The following ADAMTS6 variants were observed in gnomAD, a reference collection of about 807,000 sequenced individuals.
The protein encoded by ADAMTS6 is A disintegrin and metalloproteinase with thrombospondin motifs 6.
A neutral mutation model predicts 144.3 loss-of-function variants in ADAMTS6; 23 were observed. The ratio of observed to expected loss-of-function variants is 0.16; its 90% CI spans 0.11 to 0.23. The LOEUF (loss-of-function observed/expected upper bound fraction) is 0.23, where lower values mean the gene tolerates loss of function less well. ADAMTS6 is among the 10% of genes least tolerant of loss of function. ADAMTS6 has a pLI of 1.00. For missense variants in ADAMTS6, 999 were observed against 1,379.6 expected (o/e 0.72, Z 4.37); for synonymous variants, 444 against 457.5 (o/e 0.97, Z 0.38).
At chr5:65,234,699 G>C (rs1159590443) in intron 15 of ADAMTS6, among the ~76,000 whole-genome samples, 1 of 152,088 alleles carries the variant, frequency 6.6e-6, no homozygotes, top group Non-Finnish European at 1.5e-5. Flanking sequence ...ACAGTATGCA[G>C]CCTTCTCCAA....
chr5:65,261,205 A>T (rs568534284), intron 13 of ADAMTS6, among the ~76,000 whole-genome samples: 29 of 152,280 alleles, frequency 1.9e-4, no homozygotes, highest in African/African-American at 7.0e-4. Context: ...CATGAAGTTT[A>T]AAAATTTAAA....
At chr5:65,227,382 G>A (rs2112410507) in intron 15 of ADAMTS6, among the ~76,000 whole-genome samples, 1 of 150,546 alleles carries the variant, frequency 6.6e-6, no homozygotes, top group Non-Finnish European at 1.5e-5. Flanking sequence ...TGGACTTGTT[G>A]TATTAAAAGC....
At chr5:65,200,753 TA>T (rs1755682242) in intron 20 of ADAMTS6, among the ~76,000 whole-genome samples, 1 of 152,080 alleles carries the variant, frequency 6.6e-6, no homozygotes, top group African/African-American at 2.4e-5. Flanking sequence ...CCTCCATGCT[TA>T]AAAAAAGTAA....
At chr5:65,256,781 TG>T (rs1186077558) in intron 14 of ADAMTS6, among the ~76,000 whole-genome samples, 2 of 152,050 alleles carry the variant, frequency 1.3e-5, no homozygotes, top group Non-Finnish European at 2.9e-5. Context: ...TGGAATGAGT[TG>T]GGAATTGAGA....
rs146806556 is a variant in ADAMTS6 at position 65,271,125 on chromosome 5, C to T, written c.1620+2215G>A. 1.0e-3 allele frequency among the ~76,000 whole-genome samples: 157 copies of T among 152,110 alleles called. 2 individuals carry two copies. The highest frequency in any genetic ancestry group is 3.8e-3 in the African/African-American group (156 of 41,514). ...TTATATTTGGCTGGGCACGGTGGCT[C>T]ACACCTATAATCCCAGCACTTTGGG... On this transcript the variant is annotated intron_variant, in intron 12 of 24. Transcript: ENST00000381055.
chr5:65,190,680 C>CT (rs1220553739), intron 21 of ADAMTS6, among the ~76,000 whole-genome samples: 1 of 152,158 alleles, frequency 6.6e-6, no homozygotes, highest in Non-Finnish European at 1.5e-5. Flanking sequence ...CATTCCATCT[C>CT]TCCTCAGAAA....
At chr5:65,200,227 C>T (rs975406377) in intron 20 of ADAMTS6, among the ~76,000 whole-genome samples, 10 of 152,074 alleles carry the variant, frequency 6.6e-5, no homozygotes, top group African/African-American at 2.4e-4. Context: ...AAGTCAGTAG[C>T]AACAGGATAA....
intron 10 of ADAMTS6, chr5:65,297,037 C>T: frequency 3.0e-6 from 1 of 331,456 alleles, no homozygotes; most frequent in Non-Finnish European, 5.9e-6. Context: ...GCCATAATAC[C>T]AGGTTCACCT....
chr5:65,480,346 C>A (rs1231691641), intron 1 of ADAMTS6, among the ~76,000 whole-genome samples: 1 of 151,498 alleles, frequency 6.6e-6, no homozygotes, highest in African/African-American at 2.4e-5. Context: ...TTCGCCCAGA[C>A]AGAGGGTAAC....
intron 9 of ADAMTS6, among the ~76,000 whole-genome samples, chr5:65,304,467 C>G (rs969321797): frequency 6.6e-6 from 1 of 152,188 alleles, no homozygotes; most frequent in African/African-American, 2.4e-5. Flanking sequence ...GGGTCTGGCT[C>G]TGTCACCAAG....
At chr5:65,202,797 C>G (rs1755823067) in intron 20 of ADAMTS6, among the ~76,000 whole-genome samples, 4 of 152,088 alleles carry the variant, frequency 2.6e-5, no homozygotes, top group Admixed American at 2.6e-4. Flanking sequence ...TTTTCTCATC[C>G]CAAATTCTGC....
At chr5:65,383,858 A>G (rs1752257747) in intron 7 of ADAMTS6, among the ~76,000 whole-genome samples, 1 of 152,160 alleles carries the variant, frequency 6.6e-6, no homozygotes, top group Non-Finnish European at 1.5e-5. Flanking sequence ...TTTGGAATCT[A>G]GGTGGAGGTA....
At chr5:65,445,995 A>G (rs1758247842) in intron 7 of ADAMTS6, among the ~76,000 whole-genome samples, 1 of 152,196 alleles carries the variant, frequency 6.6e-6, no homozygotes, top group Admixed American at 6.6e-5. Flanking sequence ...GAGAAAAATA[A>G]ATGCTTCAAA....
At chr5:65,430,220 TAAG>T (rs904544888) in intron 7 of ADAMTS6, among the ~76,000 whole-genome samples, 3 of 149,972 alleles carry the variant, frequency 2.0e-5, no homozygotes, top group Non-Finnish European at 4.4e-5. Flanking sequence ...GGCTGAGATA[TAAG>T]ACTGAAAACA....
Position 65,470,878 on chromosome 5 carries a change from G to A in ADAMTS6, c.362C>T (p.Pro121Leu). The change falls in exon 3 of 25, where the codon CCC (proline) becomes CTC (leucine). Residue 121 changes from proline (P) to leucine (L), a missense_variant. Physicochemically the swap from Pro to Leu is moderately conservative, Grantham distance 98 (BLOSUM62 -3). Coordinates refer to ENST00000381055, the MANE Select transcript of ADAMTS6 (RefSeq NM_197941.4). The stretch of plus-strand genomic sequence containing the variant: ...GTCTAAAAAATCATGTTTCCACTGG[G>A]GTCCATCTTTCCCCCAATATTCTAC... Reference protein sequence around the residue: ...FTVEYWGKDGPQWKHDFLDNC... With the variant: ...FTVEYWGKDGLQWKHDFLDNC... 6.2e-7 allele frequency: 1 copy of A among 1,610,442 alleles called. No individual in the cohort carries two copies. The highest frequency in any genetic ancestry group is 8.5e-7 in the Non-Finnish European group (1 of 1,179,094).
rs544546972 is a variant in ADAMTS6 at position 65,422,467 on chromosome 5, C to A, written c.1073+29008G>T. Among the ~76,000 whole-genome samples the A allele has an allele frequency of 6.6e-5, 10 of 152,048 alleles. No homozygotes were observed. In the East Asian group the frequency reaches 1.9e-3, roughly 30 times the overall value. On this transcript the variant is annotated intron_variant, in intron 7 of 24. Coordinates refer to ENST00000381055, the MANE Select transcript of ADAMTS6 (RefSeq NM_197941.4). Reference sequence around the variant, plus strand: ...TGAAACCCTGTTGCTACTAAAAATACAAAAATTAGTTGGGTGTGGTGGCGC... The same window carrying A: ...TGAAACCCTGTTGCTACTAAAAATAAAAAAATTAGTTGGGTGTGGTGGCGC...
At chr5:65,184,328 A>G (rs1351362736) in intron 22 of ADAMTS6, among the ~76,000 whole-genome samples, 1 of 152,234 alleles carries the variant, frequency 6.6e-6, no homozygotes, top group Non-Finnish European at 1.5e-5. Context: ...CCCTGGAGAG[A>G]TGGGTTTAAA....
chr5:65,227,848 C>CA (rs1757841833), intron 15 of ADAMTS6, among the ~76,000 whole-genome samples: 1 of 152,044 alleles, frequency 6.6e-6, no homozygotes, highest in East Asian at 1.9e-4. Context: ...AGTTTTGTTA[C>CA]AAAAAATACT....
chr5:65,288,910 A>G (rs1742013073), intron 11 of ADAMTS6, among the ~76,000 whole-genome samples: 1 of 152,184 alleles, frequency 6.6e-6, no homozygotes, highest in Admixed American at 6.5e-5. Context: ...AGTATTTAGA[A>G]TTGTTTAAAA....
Sources: allele counts gnomAD v4.1 joint callset (sites outside exome capture counted in the v4.1 genomes callset), GRCh38; gene constraint gnomAD v4.1.1; transcripts MANE v1.5; gene names NCBI Gene and HGNC (gene_info 2026-07-23, HGNC 2026-07-21).